Variants in SSUH2 observed in about 807,000 individuals in gnomAD.
SSUH2 encodes the protein ssu-2 homolog.
SSUH2 carries 47 observed loss-of-function variants against 55.3 expected under a neutral mutation model. The ratio of observed to expected loss-of-function variants is 0.85; its 90% confidence interval spans 0.67 to 1.08. SSUH2 has a LOEUF of 1.08. Among genes scored for constraint, SSUH2 ranks in the 50% least tolerant of loss-of-function variants. The pLI is 0.00. For missense variants in SSUH2, 535 were observed against 490.7 expected, an observed-to-expected ratio of 1.09 and a Z score of -0.85; for synonymous variants, 212 against 191.5, an observed-to-expected ratio of 1.11 and a Z score of -0.89.
At chr3:8,626,002 GA>G (rs1185104763) in intron 9 of SSUH2, among the ~76,000 whole-genome samples, 3 of 152,112 alleles carry the variant, frequency 2.0e-5, no homozygotes, top group Non-Finnish European at 4.4e-5. Flanking sequence ...TGCTGCCCTA[GA>G]AAGTGGTGAT....
chr3:8,641,716 A>T (rs1044804153), intron 1 of SSUH2, among the ~76,000 whole-genome samples: 2 of 152,216 alleles, frequency 1.3e-5, no homozygotes, highest in Non-Finnish European at 2.9e-5. Context: ...CATCCACGGG[A>T]TGTGTGAAAA....
intron 7 of SSUH2, among the ~76,000 whole-genome samples, chr3:8,653,086 C>T (rs1702587162): frequency 6.6e-6 from 1 of 152,182 alleles, no homozygotes; most frequent in Non-Finnish European, 1.5e-5. Context: ...ATGATAGCCA[C>T]AAGAATGGAC....
At chr3:8,644,369 GA>G (rs1701375547) in intron 1 of SSUH2, among the ~76,000 whole-genome samples, 1 of 152,196 alleles carries the variant, frequency 6.6e-6, no homozygotes, top group Non-Finnish European at 1.5e-5. Context: ...AAGAAAAAGG[GA>G]AAAGAATATA....
chr3:8,679,020 C>A lies in SSUH2; in HGVS notation c.-901+685G>T, dbSNP rs1429066821. ...TGGGGACTGAGAGCCAGCCCCTCTT[C>A]CCCCCCTGGCTCTTAGGACACCAAA... On this transcript the variant is annotated intron_variant, in intron 2 of 18. Coordinates refer to the SSUH2 transcript ENST00000317371. 1.8e-5 allele frequency among the ~76,000 whole-genome samples: 2 copies of A among 111,782 alleles called. 1 individual carries two copies. Among genetic ancestry groups the A allele is most frequent in the Admixed American group, 1.7e-4 (2 of 11,480 alleles). 73.3% of individuals were successfully genotyped at this position (111,782 alleles called of 152,430 possible). A position where few individuals can be genotyped will look rare whatever the true frequency, so the allele number is the denominator to read the frequency against.
chr3:8,619,980 ACTT>A lies in SSUH2; in HGVS notation c.1013_1015del (p.Glu338del). 2 of 1,614,128 alleles carry A rather than the reference ACTT, an allele frequency of 1.2e-6. No individual in the cohort carries two copies. The highest frequency in any genetic ancestry group is 1.7e-6 in the Non-Finnish European group (2 of 1,180,004). ...AGTCTTTCCTTGGTACCAATAGTGA[ACTT>A]CTGTGAGGGGGATCAGCTCAATGGT... On this transcript the variant is annotated inframe_deletion, in exon 12 of 12. Transcript: ENST00000544814.
chr3:8,677,288 A>C lies in SSUH2; in HGVS notation c.-835T>G, dbSNP rs142060961. ...GTACCTTACTTGGGATTTACTATCC[A>C]ACAGGGGTCCGAACTCAGCAGCCCG... On this transcript the variant is annotated 5_prime_UTR_variant, in exon 3 of 19. Coordinates refer to the SSUH2 transcript ENST00000317371. 4.1e-3 allele frequency: 616 copies of C among 151,672 alleles called. 19 individuals are homozygous for C. Among genetic ancestry groups the C allele is most frequent in the South Asian group, 0.015 (69 of 4,744 alleles). The allele number at this position is 151,672 out of a possible 1,614,324, so 9.4% of individuals were successfully genotyped here.
chr3:8,666,644 G>T (rs1019652198), intron 5 of SSUH2, among the ~76,000 whole-genome samples: 4 of 152,212 alleles, frequency 2.6e-5, no homozygotes, highest in African/African-American at 9.6e-5. Flanking sequence ...TAGGCAGGGG[G>T]CAGGGGTTTC....
chr3:8,620,629 G>C (rs113154574), intron 11 of SSUH2, among the ~76,000 whole-genome samples: 13 of 152,302 alleles, frequency 8.5e-5, no homozygotes, highest in African/African-American at 2.9e-4. Context: ...TTTGATTCTA[G>C]GTTTCACCAA....
At chr3:8,663,390 A>G (rs760359) in intron 6 of SSUH2, among the ~76,000 whole-genome samples, 89,110 of 152,198 alleles carry the variant, frequency 0.59, 26,828 homozygotes, top group East Asian at 0.8. Context: ...AGCCCAAGGA[A>G]GTGCCTGGAA....
chr3:8,651,024 T>C (rs1301047128), intron 7 of SSUH2, among the ~76,000 whole-genome samples: 1 of 152,274 alleles, frequency 6.6e-6, no homozygotes, highest in Non-Finnish European at 1.5e-5. Flanking sequence ...GAAGGCTGCC[T>C]GCCAGCAATT....
At chr3:8,649,674 T>A (rs2125311886), upstream of SSUH2, among the ~76,000 whole-genome samples, 1 of 152,172 alleles carries the variant, frequency 6.6e-6, no homozygotes, top group South Asian at 2.1e-4. Context: ...GCCTGGGTCC[T>A]CTCCCAGTCT....
chr3:8,633,455 C>T (rs1387860752), intron 4 of SSUH2, among the ~76,000 whole-genome samples: 2 of 152,194 alleles, frequency 1.3e-5, no homozygotes, highest in South Asian at 2.1e-4. Context: ...CCGCCGCACC[C>T]GGCCTGACAC....
intron 3 of SSUH2, chr3:8,634,467 T>C (rs1284989164): frequency 7.8e-7 from 1 of 1,289,870 alleles, no homozygotes; most frequent in Non-Finnish European, 1.0e-6. Context: ...TCTTCATGCA[T>C]TTCTCCATGG....
chr3:8,675,301 T>A lies in SSUH2; in HGVS notation c.-753+1905A>T, dbSNP rs567441820. Among the ~76,000 whole-genome samples the A allele has an allele frequency of 5.3e-5, 8 of 152,282 alleles. No individual in the cohort carries two copies. The East Asian group carries it at 1.5e-3, about 29-fold the overall frequency. ...GTCAGGTGTCACTACTCAGTACACT[T>A]GGACCGGGCTTCCCCAAGGGTTCAA... On this transcript the variant is annotated intron_variant, in intron 3 of 18. Transcript: ENST00000317371.
intron 7 of SSUH2, among the ~76,000 whole-genome samples, chr3:8,655,526 G>T (rs1245847094): frequency 1.3e-5 from 2 of 150,750 alleles, no homozygotes; most frequent in Non-Finnish European, 2.9e-5. Flanking sequence ...TCAGTGTGTG[G>T]CCTCCCCGAG....
chr3:8,661,547 G>T (rs1168329004), intron 6 of SSUH2, among the ~76,000 whole-genome samples: 1 of 152,220 alleles, frequency 6.6e-6, no homozygotes, highest in Non-Finnish European at 1.5e-5. Context: ...AAGTCAGCCT[G>T]CCTGTTTCAT....
intron 4 of SSUH2, chr3:8,671,841 G>T (rs1057346703): frequency 1.4e-5 from 2 of 144,540 alleles, no homozygotes; most frequent in South Asian, 4.3e-4. Flanking sequence ...CACATCGCAG[G>T]GGGGCGGGCG....
chr3:8,634,312 G>A (rs1699513447), intron 3 of SSUH2: 1 of 1,141,824 alleles, frequency 8.8e-7, no homozygotes, highest in South Asian at 1.4e-5. Context: ...TGGGACGACA[G>A]ACAGGGACCC....
intron 1 of SSUH2, among the ~76,000 whole-genome samples, chr3:8,641,830 G>C (rs536191059): frequency 9.8e-5 from 15 of 152,370 alleles, no homozygotes; most frequent in African/African-American, 3.6e-4. Context: ...CTGAAAGCTA[G>C]TATCAATTTT....
Sources: allele counts gnomAD v4.1 joint callset (sites outside exome capture counted in the v4.1 genomes callset), GRCh38; gene constraint gnomAD v4.1.1; transcripts MANE v1.5; gene names NCBI Gene and HGNC (gene_info 2026-07-23, HGNC 2026-07-21).